The following SLAIN2 variants were observed in gnomAD, a reference collection of about 807,000 sequenced individuals.
The protein encoded by SLAIN2 is SLAIN motif-containing protein 2.
Under a neutral mutation model 56.6 loss-of-function variants are expected in SLAIN2, and 31 were observed. The ratio of observed to expected loss-of-function variants is 0.55; its 90% CI spans 0.41 to 0.74. The LOEUF (loss-of-function observed/expected upper bound fraction) is 0.74, where lower values mean the gene tolerates loss of function less well. Among genes scored for constraint, SLAIN2 ranks in the 30% least tolerant of loss-of-function variants. The pLI is 0.00. For missense variants in SLAIN2, 777 were observed against 754.2 expected (o/e 1.03, Z -0.35); for synonymous variants, 317 against 284.9 (o/e 1.11, Z -1.13).
At position 48,420,358 on chromosome 4, in the gene SLAIN2, A is replaced by G. The variant is rs763247507; in HGVS notation, c.1594A>G (p.Met532Val). 8.1e-6 allele frequency: 13 copies of G among 1,614,060 alleles called. No individual in the cohort carries two copies. The highest frequency in any genetic ancestry group is 1.7e-5 in the Admixed American group (1 of 60,030). Residue 532 changes from methionine to valine, a missense_variant, in exon 7 of 8, where the codon ATG becomes GTG. Coordinates refer to ENST00000264313, the MANE Select transcript of SLAIN2 (RefSeq NM_020846.2). ...AACCAGACCTGCAGGGACAACTGCA[A>G]TGAGAAGTGGCTTGCCCAGACCCAG... ...TLTRPAGTTA[M>V]RSGLPRPSAP...
chr4:48,352,917 A>G (rs1229713849), intron 1 of SLAIN2, among the ~76,000 whole-genome samples: 2 of 152,078 alleles, frequency 1.3e-5, no homozygotes, highest in Non-Finnish European at 2.9e-5. Flanking sequence ...TTTCCCCTAT[A>G]CTGTTCTCTA....
At chr4:48,346,778 G>T (rs1714877717) in intron 1 of SLAIN2, among the ~76,000 whole-genome samples, 1 of 150,588 alleles carries the variant, frequency 6.6e-6, no homozygotes, top group Non-Finnish European at 1.5e-5. Context: ...TGTGGTTTGT[G>T]TATGTGTGTG....
At chr4:48,408,630 A>G (rs2109782556) in intron 6 of SLAIN2, among the ~76,000 whole-genome samples, 1 of 152,208 alleles carries the variant, frequency 6.6e-6, no homozygotes, top group South Asian at 2.1e-4. Context: ...ATTTTTGGAC[A>G]GCTGTACAAC....
At chr4:48,351,935 C>CT (rs1715017858) in intron 1 of SLAIN2, among the ~76,000 whole-genome samples, 1 of 152,104 alleles carries the variant, frequency 6.6e-6, no homozygotes, top group African/African-American at 2.4e-5. Context: ...CTGTGAGAAT[C>CT]AACAAGTTTA....
intron 6 of SLAIN2, among the ~76,000 whole-genome samples, chr4:48,407,528 G>A (rs1716730111): frequency 6.6e-6 from 1 of 151,802 alleles, no homozygotes; most frequent in Non-Finnish European, 1.5e-5. Context: ...ATAACTTTAT[G>A]TGTGATTTGA....
At chr4:48,417,955 C>T (rs577490785) in intron 6 of SLAIN2, among the ~76,000 whole-genome samples, 94 of 152,280 alleles carry the variant, frequency 6.2e-4, no homozygotes, top group African/African-American at 2.2e-3. Context: ...TTATCCAGTT[C>T]TGTGACCTTA....
At chr4:48,363,876 C>A (rs1273835563) in intron 1 of SLAIN2, among the ~76,000 whole-genome samples, 1 of 140,048 alleles carries the variant, frequency 7.1e-6, no homozygotes, top group Admixed American at 6.9e-5. Context: ...GGCGGCCGGG[C>A]AGAGGCGCCC....
intron 1 of SLAIN2, among the ~76,000 whole-genome samples, chr4:48,352,989 T>G (rs1715052642): frequency 6.6e-6 from 1 of 152,164 alleles, no homozygotes; most frequent in Non-Finnish European, 1.5e-5. Context: ...TTTTGTGTCT[T>G]CCTCATTCTC....
Position 48,377,952 on chromosome 4 carries a change from C to T in SLAIN2, c.595C>T (p.Pro199Ser), listed in dbSNP as rs1231383013. 3.7e-6 allele frequency: 6 copies of T among 1,613,822 alleles called. No individual in the cohort carries two copies. Reference sequence around the variant, plus strand: ...TTTCAACTCTATGAGTTACACCAGTCCTTACAGTCCAAATGCCAGTAGCCC... The same window carrying T: ...TTTCAACTCTATGAGTTACACCAGTTCTTACAGTCCAAATGCCAGTAGCCC... Reference protein sequence around the residue: ...NPFNSMSYTSPYSPNASSPYS... With the variant: ...NPFNSMSYTSSYSPNASSPYS... The change falls in exon 3 of 8, where the codon CCT (proline) becomes TCT (serine). Residue 199 changes from proline (P) to serine (S), a missense_variant. Transcript: ENST00000264313.
chr4:48,343,298 C>G (rs773921673), intron 1 of SLAIN2, among the ~76,000 whole-genome samples: 1 of 152,182 alleles, frequency 6.6e-6, no homozygotes. Context: ...GCACTTACCT[C>G]TATAGAGTTA....
chr4:48,391,573 A>G (rs908251494), intron 6 of SLAIN2, among the ~76,000 whole-genome samples: 1 of 152,232 alleles, frequency 6.6e-6, no homozygotes, highest in Non-Finnish European at 1.5e-5. Flanking sequence ...TACAGACAAT[A>G]CACCCACTTA....
At chr4:48,361,635 C>T (rs372473395) in intron 1 of SLAIN2, among the ~76,000 whole-genome samples, 1 of 148,304 alleles carries the variant, frequency 6.7e-6, no homozygotes, top group Non-Finnish European at 1.5e-5. Context: ...TTTTTTTTTT[C>T]CAAAATTGTT....
At chr4:48,412,441 G>A (rs1331726617) in intron 6 of SLAIN2, among the ~76,000 whole-genome samples, 1 of 147,470 alleles carries the variant, frequency 6.8e-6, no homozygotes, top group Non-Finnish European at 1.5e-5. Flanking sequence ...CTCTCTCTGT[G>A]TCTCAGCTTT....
rs1036000728 is a variant in SLAIN2, at chr4:48,423,125, A to C, written c.*1048A>C. 6.6e-6 allele frequency: 1 copy of C among 152,206 alleles called. No homozygotes were observed. The highest frequency in any genetic ancestry group is 2.4e-5 in the African/African-American group (1 of 41,456). 9.4% of individuals were successfully genotyped at this position (152,206 alleles called of 1,614,324 possible). A position where few individuals can be genotyped will look rare whatever the true frequency, so the allele number is the denominator to read the frequency against. ...AGTTGTATTGTTGCTATTACATGGCATAACGGTCTATTATGTGGTAGGAAA... is the reference window on the plus strand; with the variant it reads ...AGTTGTATTGTTGCTATTACATGGCCTAACGGTCTATTATGTGGTAGGAAA... On this transcript the variant is annotated 3_prime_UTR_variant, in exon 8 of 8. Transcript: ENST00000264313.
chr4:48,368,050 G>GTTTTTTTTTT (rs1466698335), intron 1 of SLAIN2, among the ~76,000 whole-genome samples: 5 of 28,514 alleles, frequency 1.8e-4, no homozygotes, highest in Admixed American at 4.0e-4. Flanking sequence ...TGTTTTTGAG[G>GTTTTTTTTTT]CTTTTTTTTT....
At chr4:48,350,111 T>A (rs1714972359) in intron 1 of SLAIN2, among the ~76,000 whole-genome samples, 1 of 152,216 alleles carries the variant, frequency 6.6e-6, no homozygotes, top group Non-Finnish European at 1.5e-5. Context: ...AAATAAATCA[T>A]GTAGTCTGTT....
intron 6 of SLAIN2, among the ~76,000 whole-genome samples, chr4:48,410,021 C>G (rs1716803091): frequency 1.3e-5 from 2 of 152,268 alleles, no homozygotes; most frequent in South Asian, 4.1e-4. Context: ...TATTAAGGAT[C>G]TGCTAAACTG....
chr4:48,366,159 C>T (rs450498), intron 1 of SLAIN2, among the ~76,000 whole-genome samples: 71,599 of 152,042 alleles, frequency 0.47, 17,927 homozygotes, highest in African/African-American at 0.64. Flanking sequence ...TTTAATTCCA[C>T]TGTGGTCAGA....
intron 6 of SLAIN2, among the ~76,000 whole-genome samples, chr4:48,415,542 G>C (rs1716979533): frequency 1.3e-5 from 1 of 75,176 alleles, no homozygotes; most frequent in Non-Finnish European, 3.1e-5. Flanking sequence ...TTCTTTTGCT[G>C]TGCAGAAGCT....
Sources: allele counts gnomAD v4.1 joint callset (sites outside exome capture counted in the v4.1 genomes callset), GRCh38; gene constraint gnomAD v4.1.1; transcripts MANE v1.5; gene names NCBI Gene and HGNC (gene_info 2026-07-23, HGNC 2026-07-21).